DPH6: variants seen among roughly 807,000 people sequenced by gnomAD.
DPH6 encodes diphthine--ammonia ligase.
A neutral mutation model predicts 38.2 loss-of-function variants in DPH6; 33 were observed. The ratio of observed to expected loss-of-function variants is 0.86; its 90% confidence interval spans 0.65 to 1.15. The LOEUF is 1.15. Ranked by LOEUF, DPH6 falls within the 50% of genes most tolerant of loss-of-function variation. The probability of loss-of-function intolerance (pLI) is 0.00; values close to 1 mark genes in which losing one functional copy is unlikely to be tolerated. For missense variants in DPH6, 325 were observed against 320.0 expected, an observed-to-expected ratio of 1.02 and a Z score of -0.12; for synonymous variants, 108 against 103.0, an observed-to-expected ratio of 1.05 and a Z score of -0.30.
At chr15:35,275,436 C>A (rs2051851003) in intron 3 of DPH6, among the ~76,000 whole-genome samples, 1 of 152,094 alleles carries the variant, frequency 6.6e-6, no homozygotes, top group African/African-American at 2.4e-5. Flanking sequence ...TAATTCTCAG[C>A]AAACTAACAC....
At chr15:35,175,650 T>C in the DPH6 span, among the ~76,000 whole-genome samples, 1 of 132,036 alleles carries the variant, frequency 7.6e-6, no homozygotes. Flanking sequence ...ATAAATGTTA[T>C]ATTAGCACTT....
chr15:35,266,922 T>G (rs909191205), intron 3 of DPH6, among the ~76,000 whole-genome samples: 12 of 152,118 alleles, frequency 7.9e-5, no homozygotes, highest in Admixed American at 7.9e-4. Flanking sequence ...ATAAAATGAT[T>G]AGTGGACAAC....
At chr15:35,414,309 T>C (rs2053408989) in intron 5 of DPH6, among the ~76,000 whole-genome samples, 1 of 151,754 alleles carries the variant, frequency 6.6e-6, no homozygotes, top group Non-Finnish European at 1.5e-5. Flanking sequence ...CTTTTGGCAT[T>C]TGTTGTTCCT....
chr15:35,349,340 C>T (rs1013700811), intron 3 of DPH6, among the ~76,000 whole-genome samples: 2 of 152,102 alleles, frequency 1.3e-5, no homozygotes, highest in African/African-American at 4.8e-5. Context: ...CCTACTATTT[C>T]TAGTTTGTTT....
intron 2 of DPH6, among the ~76,000 whole-genome samples, chr15:35,540,848 T>G (rs997634459): frequency 2.0e-5 from 3 of 152,086 alleles, no homozygotes; most frequent in African/African-American, 7.2e-5. Flanking sequence ...ACTCCAGTGA[T>G]GAAATTATAA....
chr15:35,271,800 C>T (rs558128261), intron 3 of DPH6, among the ~76,000 whole-genome samples: 1 of 152,300 alleles, frequency 6.6e-6, no homozygotes, highest in South Asian at 2.1e-4. Context: ...GTAGAGCAAA[C>T]ACCTAGATAG....
At chr15:35,274,590 C>T (rs2051845192) in intron 3 of DPH6, among the ~76,000 whole-genome samples, 1 of 151,484 alleles carries the variant, frequency 6.6e-6, no homozygotes, top group Non-Finnish European at 1.5e-5. Context: ...AGGATATGAA[C>T]AGACACTTCT....
chr15:35,395,014 A>C (rs933768186), intron 6 of DPH6, among the ~76,000 whole-genome samples: 2 of 152,332 alleles, frequency 1.3e-5, no homozygotes, highest in East Asian at 1.9e-4. Context: ...TGATAGGTTA[A>C]AAGACATGTG....
chr15:35,498,083 T>A (rs563927503), intron 3 of DPH6, among the ~76,000 whole-genome samples: 2 of 152,178 alleles, frequency 1.3e-5, no homozygotes, highest in Non-Finnish European at 2.9e-5. Context: ...CACAGCACTA[T>A]GCAAGTTCAT....
At chr15:35,298,285 C>G in intron 3 of DPH6, 1 of 572,202 alleles carries the variant, frequency 1.7e-6, no homozygotes, top group East Asian at 4.6e-5. Context: ...CTGAATTTTT[C>G]CAAATTGTAG....
chr15:35,175,808 G>A, the DPH6 span, among the ~76,000 whole-genome samples: 3 of 152,184 alleles, frequency 2.0e-5, no homozygotes, highest in African/African-American at 7.2e-5. Context: ...CAGTAAAAGA[G>A]CTTGAAAAGA....
chr15:35,332,171 A>G (rs1374024272), intron 3 of DPH6, among the ~76,000 whole-genome samples: 1 of 152,202 alleles, frequency 6.6e-6, no homozygotes, highest in Non-Finnish European at 1.5e-5. Context: ...AAATTTTAAA[A>G]TATCAGAAAA....
At chr15:35,528,244 G>C (rs1479614539) in intron 3 of DPH6, among the ~76,000 whole-genome samples, 1 of 152,080 alleles carries the variant, frequency 6.6e-6, no homozygotes, top group East Asian at 1.9e-4. Flanking sequence ...AATGTATTAA[G>C]AACTGATTCT....
At chr15:35,514,944 T>C (rs977111637) in intron 3 of DPH6, among the ~76,000 whole-genome samples, 1 of 152,126 alleles carries the variant, frequency 6.6e-6, no homozygotes, top group African/African-American at 2.4e-5. Context: ...ATATAGGGAA[T>C]GTGGAATATT....
intron 3 of DPH6, among the ~76,000 whole-genome samples, chr15:35,262,705 C>CAAAAAAAAAAAAAAA (rs58580024): frequency 1.7e-4 from 14 of 82,624 alleles, no homozygotes; most frequent in African/African-American, 8.9e-4. Flanking sequence ...GACTCCGTCT[C>CAAAAAAAAAAAAAAA]AAAAAAAAAA....
At chr15:35,451,923 T>A (rs547240410) in intron 4 of DPH6, among the ~76,000 whole-genome samples, 1 of 152,248 alleles carries the variant, frequency 6.6e-6, no homozygotes, top group African/African-American at 2.4e-5. Flanking sequence ...GGCAGGAGAA[T>A]GGCGTGAACC....
At chr15:35,489,614 G>C (rs1255991271) in intron 3 of DPH6, 1 of 982,252 alleles carries the variant, frequency 1.0e-6, no homozygotes, top group Non-Finnish European at 1.2e-6. Flanking sequence ...CAAATATTTA[G>C]AAAGTTCTCT....
At chr15:35,237,494 A>T in intron 3 of DPH6, 9 of 1,571,242 alleles carry the variant, frequency 5.7e-6, no homozygotes, top group Non-Finnish European at 7.9e-6. Context: ...CCTCACCTCA[A>T]CTGCAAACTT....
At chr15:35,195,534 G>T in the DPH6 span, among the ~76,000 whole-genome samples, 1 of 152,094 alleles carries the variant, frequency 6.6e-6, no homozygotes. Flanking sequence ...TAGATGGCAG[G>T]TTAAAATGCC....
Sources: gnomAD v4.1 joint callset for allele counts (sites outside exome capture counted in the v4.1 genomes callset) on GRCh38, gnomAD v4.1.1 for gene constraint, MANE v1.5 for transcripts, NCBI Gene and HGNC (gene_info 2026-07-23, HGNC 2026-07-21) for gene names.